The following YIPF4 variants were observed in gnomAD, a reference collection of about 807,000 sequenced individuals.
YIPF4 encodes Yip1 domain family member 4.
A neutral mutation model predicts 29.4 loss-of-function variants in YIPF4; 18 were observed. That is an observed-to-expected ratio of 0.61 (90% confidence interval 0.42 to 0.91). YIPF4 has a LOEUF of 0.91. Among genes scored for constraint, YIPF4 ranks in the 40% least tolerant of loss-of-function variants. YIPF4 has a pLI of 0.00. For missense variants in YIPF4, 279 were observed against 282.7 expected (o/e 0.99, Z 0.09); for synonymous variants, 115 against 104.7 (o/e 1.10, Z -0.60).
In YIPF4 at chr2:32,306,907, A is replaced by G. The variant is rs2031598953; in HGVS notation, c.*1281A>G. 3.4e-6 allele frequency: 1 copy of G among 295,410 alleles called. No individual in the cohort carries two copies. The highest frequency in any genetic ancestry group is 1.2e-4 in the East Asian group (1 of 8,356). 18.3% of individuals were successfully genotyped at this position (295,410 alleles called of 1,614,324 possible). On this transcript the variant is annotated 3_prime_UTR_variant, in exon 6 of 6. Transcript: ENST00000238831. ...CCTCTTGGTATGTATTTCTTTAGCAAACTTACCCATCAGGAAATATCCAGC... is the reference window on the plus strand; with the variant it reads ...CCTCTTGGTATGTATTTCTTTAGCAGACTTACCCATCAGGAAATATCCAGC...
At chr2:32,290,976 GA>G (rs1365234048) in intron 2 of YIPF4, 1 of 153,810 alleles carries the variant, frequency 6.5e-6, no homozygotes, top group African/African-American at 2.4e-5. Flanking sequence ...GACAAATTAA[GA>G]TTTCCAAGAA....
At chr2:32,292,862 C>CAAAAAA (rs1217481341) in intron 3 of YIPF4, among the ~76,000 whole-genome samples, 13 of 77,872 alleles carry the variant, frequency 1.7e-4, no homozygotes, top group East Asian at 8.4e-4. Flanking sequence ...GACTCCATCT[C>CAAAAAA]AAAAAAAAAA....
rs527791512 is a variant in YIPF4 at position 32,307,102 on chromosome 2, A to C, written c.*1476A>C. The C allele has an allele frequency of 1.0e-5, 13 of 1,295,270 alleles. No individual in the cohort carries two copies. The Admixed American group carries it at 2.7e-4, about 26-fold the overall frequency. 80.2% of individuals were successfully genotyped at this position (1,295,270 alleles called of 1,614,324 possible). A position where few individuals can be genotyped will look rare whatever the true frequency, so the allele number is the denominator to read the frequency against. ...TACATGTACTGATTTTTTTAAAAAC[A>C]GGTGAGAAGCACCAGAGGGACAGGA... On this transcript the variant is annotated 3_prime_UTR_variant, in exon 6 of 6. Coordinates refer to ENST00000238831, the MANE Select transcript of YIPF4 (RefSeq NM_032312.4).
chr2:32,307,227 AG>A lies in YIPF4; in HGVS notation c.*1603del. On this transcript the variant is annotated 3_prime_UTR_variant, in exon 6 of 6. Coordinates refer to ENST00000238831, the MANE Select transcript of YIPF4 (RefSeq NM_032312.4). ...ATTTGTTACACTTAAGAAATTGCTG[AG>A]GTTAATACTTTGTTATAATGGATTA... 1 of 965,984 alleles carries A rather than the reference AG, an allele frequency of 1.0e-6. No individual in the cohort carries two copies. Among genetic ancestry groups the A allele is most frequent in the Non-Finnish European group, 1.4e-6 (1 of 719,178 alleles). The allele number at this position is 965,984 out of a possible 1,614,324, so 59.8% of individuals were successfully genotyped here.
At chr2:32,278,701 T>C (rs1281615345) in intron 1 of YIPF4, among the ~76,000 whole-genome samples, 1 of 152,134 alleles carries the variant, frequency 6.6e-6, no homozygotes, top group Non-Finnish European at 1.5e-5. Flanking sequence ...AAATACAAAC[T>C]AAATGGTTTT....
intron 3 of YIPF4, among the ~76,000 whole-genome samples, chr2:32,292,741 G>T (rs889652708): frequency 1.3e-5 from 2 of 151,856 alleles, no homozygotes; most frequent in East Asian, 3.9e-4. Flanking sequence ...GTGCACGCCT[G>T]TAATCCCAGC....
intron 1 of YIPF4, among the ~76,000 whole-genome samples, chr2:32,284,414 T>G (rs936133629): frequency 5.9e-5 from 9 of 152,106 alleles, no homozygotes; most frequent in African/African-American, 2.2e-4. Context: ...AGGAGAGGCC[T>G]GGTGGGAGGT....
At chr2:32,292,567 G>A (rs1263886977) in intron 3 of YIPF4, among the ~76,000 whole-genome samples, 1 of 152,054 alleles carries the variant, frequency 6.6e-6, no homozygotes, top group East Asian at 1.9e-4. Context: ...CACATAGAAA[G>A]TATTAGTATT....
At chr2:32,287,210 A>G (rs1242283518) in intron 1 of YIPF4, among the ~76,000 whole-genome samples, 2 of 152,150 alleles carry the variant, frequency 1.3e-5, no homozygotes, top group Non-Finnish European at 2.9e-5. Context: ...ATGGCACTGC[A>G]CTCCAGCCTG....
intron 1 of YIPF4, among the ~76,000 whole-genome samples, chr2:32,279,312 C>T (rs2030271432): frequency 6.6e-6 from 1 of 151,544 alleles, no homozygotes; most frequent in Non-Finnish European, 1.5e-5. Context: ...CAGTTATTTT[C>T]CAGTGACCAG....
At chr2:32,280,080 G>A (rs2030324440) in intron 1 of YIPF4, among the ~76,000 whole-genome samples, 1 of 149,674 alleles carries the variant, frequency 6.7e-6, no homozygotes, top group African/African-American at 2.5e-5. Context: ...TCTTCAAGTG[G>A]ACCCATGAAA....
chr2:32,294,743 C>T (rs927085007), intron 3 of YIPF4, among the ~76,000 whole-genome samples: 6 of 152,196 alleles, frequency 3.9e-5, no homozygotes, highest in Non-Finnish European at 8.8e-5. Flanking sequence ...TGTAGCGAGC[C>T]GAGATCACGC....
At chr2:32,296,937 C>G (rs569877891) in intron 3 of YIPF4, among the ~76,000 whole-genome samples, 2 of 152,124 alleles carry the variant, frequency 1.3e-5, no homozygotes, top group Non-Finnish European at 2.9e-5. Flanking sequence ...TAATCCAGTA[C>G]TGTCATAATT....
chr2:32,301,352 ATATT>A (rs755530015), intron 4 of YIPF4, 26 bp from the exon 5 acceptor site: 1 of 1,367,446 alleles, frequency 7.3e-7, no homozygotes, highest in African/African-American at 1.4e-5. Flanking sequence ...GATTTCAATG[ATATT>A]TATTTGAAAT....
In YIPF4 at chr2:32,294,355, C is replaced by T. The variant is rs571670773; in HGVS notation, c.405+2007C>T. 1.8e-3 allele frequency among the ~76,000 whole-genome samples: 270 copies of T among 151,638 alleles called. 1 individual carries two copies. Among genetic ancestry groups the T allele is most frequent in the Non-Finnish European group, 2.8e-3 (190 of 67,886 alleles). On this transcript the variant is annotated intron_variant, in intron 3 of 5. Coordinates refer to ENST00000238831, the MANE Select transcript of YIPF4 (RefSeq NM_032312.4). ...CGGGCTCCTCACTTCTCAGACAGGG[C>T]GGCTGGGCAGAGATGCTCCTCACCT...
At chr2:32,298,014 T>C (rs567117683) in intron 3 of YIPF4, among the ~76,000 whole-genome samples, 2 of 152,316 alleles carry the variant, frequency 1.3e-5, no homozygotes, top group South Asian at 4.1e-4. Context: ...GAGGTTTCTT[T>C]AGGCAATTGA....
Position 32,278,206 on chromosome 2 carries a change from C to T in YIPF4, c.51C>T (p.Phe17=). The T allele has an allele frequency of 6.4e-7, 1 of 1,572,236 alleles. No individual in the cohort carries two copies. The highest frequency in any genetic ancestry group is 1.4e-5 in the African/African-American group (1 of 73,250). ...CCTATGCCCCCACTAACGGGGACTT[C>T]ACCTTTGTCTCCTCAGCAGACGCGG... The part of the protein sequence containing the change: ...PPAYAPTNGD[F]TFVSSADAED... The change falls in exon 1 of 6, where the codon TTC becomes TTT. Residue 17 remains phenylalanine, a synonymous_variant. Transcript: ENST00000238831.
chr2:32,300,320 G>C (rs905265385), intron 4 of YIPF4, among the ~76,000 whole-genome samples: 2 of 151,872 alleles, frequency 1.3e-5, no homozygotes, highest in African/African-American at 4.8e-5. Flanking sequence ...TGTAGTCCCA[G>C]CTACTCAGGA....
chr2:32,290,933 C>T (rs1429178356), intron 2 of YIPF4: 1 of 161,996 alleles, frequency 6.2e-6, no homozygotes, highest in Non-Finnish European at 1.3e-5. Flanking sequence ...AAAAGCAGGG[C>T]TCTTAGGTAC....
Sources: allele counts gnomAD v4.1 joint callset (sites outside exome capture counted in the v4.1 genomes callset), GRCh38; gene constraint gnomAD v4.1.1; transcripts MANE v1.5; gene names NCBI Gene and HGNC (gene_info 2026-07-23, HGNC 2026-07-21).